Variants in SIPA1L1 observed in about 807,000 individuals in gnomAD.
SIPA1L1 encodes signal induced proliferation associated 1 like 1.
SIPA1L1 carries 26 observed loss-of-function variants against 162.7 expected under a neutral mutation model. The ratio of observed to expected loss-of-function variants is 0.16; its 90% CI spans 0.12 to 0.22. The LOEUF (loss-of-function observed/expected upper bound fraction) is 0.22. Among genes scored for constraint, SIPA1L1 ranks in the 10% least tolerant of loss-of-function variants. SIPA1L1 has a pLI of 1.00. For synonymous variants in SIPA1L1, 829 were observed against 837.4 expected, an observed-to-expected ratio of 0.99 and a Z score of 0.17; for missense variants, 1,874 against 2,241.0, an observed-to-expected ratio of 0.84 and a Z score of 3.31.
At chr14:71,480,932 A>G (rs1456816202) in intron 2 of SIPA1L1, among the ~76,000 whole-genome samples, 1 of 152,246 alleles carries the variant, frequency 6.6e-6, no homozygotes, top group African/African-American at 2.4e-5. Context: ...AAAAAAATTA[A>G]CAATTTAAAG....
chr14:71,352,379 A>G (rs1403023800), intron 2 of SIPA1L1, among the ~76,000 whole-genome samples: 1 of 152,142 alleles, frequency 6.6e-6, no homozygotes, highest in Non-Finnish European at 1.5e-5. Flanking sequence ...ACAGAATTTT[A>G]ACTGCCCCTT....
chr14:71,392,259 C>T (rs1018222645), intron 2 of SIPA1L1, among the ~76,000 whole-genome samples: 1 of 152,140 alleles, frequency 6.6e-6, no homozygotes, highest in Non-Finnish European at 1.5e-5. Flanking sequence ...ATGGCAGAGG[C>T]CCTCTGGATG....
chr14:71,736,817 T>C (rs1184388351), intron 22 of SIPA1L1, among the ~76,000 whole-genome samples: 1 of 152,178 alleles, frequency 6.6e-6, no homozygotes, highest in Non-Finnish European at 1.5e-5. Context: ...GATGACAGGC[T>C]CTTTTCTTGG....
rs966077051 is a variant in SIPA1L1, at chr14:71,377,847, G to A, written c.-465+56666G>A. Among the ~76,000 whole-genome samples the A allele has an allele frequency of 3.9e-5, 6 of 152,198 alleles. No homozygotes were observed. Among genetic ancestry groups the A allele is most frequent in the Non-Finnish European group, 8.8e-5 (6 of 68,028 alleles). ...AAAAACCAGTCAGGCGTGGCGGCGC[G>A]TGCCTGCAATCCCAGGCACTCGGCA... On this transcript the variant is annotated intron_variant, in intron 2 of 23. Transcript: ENST00000381232. This position sits in a 1 kb window ranked among gnomAD's most constrained non-coding sequence, Gnocchi z 4.8.
intron 2 of SIPA1L1, among the ~76,000 whole-genome samples, chr14:71,420,210 C>T (rs1029887775): frequency 1.3e-5 from 2 of 152,062 alleles, no homozygotes; most frequent in Non-Finnish European, 2.9e-5. Flanking sequence ...GAAATGCCTC[C>T]TCGTAATCAA....
At position 71,656,615 on chromosome 14, in the gene SIPA1L1, C is replaced by G. The variant is rs113780435; in HGVS notation, c.1994-1718C>G. On this transcript the variant is annotated intron_variant, in intron 8 of 23. Coordinates refer to ENST00000381232, the MANE Select transcript of SIPA1L1 (RefSeq NM_001386936.1). Reference sequence around the variant, plus strand: ...TTTCTTGGATATTTATATGTTGTTACATAGTTTTCCAATTTTTGAAAAGTA... The same window carrying G: ...TTTCTTGGATATTTATATGTTGTTAGATAGTTTTCCAATTTTTGAAAAGTA... Among the ~76,000 whole-genome samples, 448 of 152,278 alleles carry G rather than the reference C, an allele frequency of 2.9e-3. 5 individuals are homozygous for G. The highest frequency in any genetic ancestry group is 0.01 in the African/African-American group (424 of 41,566).
chr14:71,737,452 C>T (rs540040203), intron 22 of SIPA1L1, among the ~76,000 whole-genome samples: 58 of 152,132 alleles, frequency 3.8e-4, no homozygotes, highest in African/African-American at 1.3e-3. Context: ...GCAGCTTGAA[C>T]TCAGGTAGAG....
intron 2 of SIPA1L1, among the ~76,000 whole-genome samples, chr14:71,414,455 C>T (rs929184765): frequency 1.3e-5 from 2 of 152,106 alleles, no homozygotes; most frequent in Non-Finnish European, 2.9e-5. Context: ...ATCAAATGTC[C>T]GATATTTTCT....
intron 4 of SIPA1L1, among the ~76,000 whole-genome samples, chr14:71,529,925 C>T (rs980903233): frequency 1.3e-5 from 2 of 152,170 alleles, no homozygotes; most frequent in African/African-American, 2.4e-5. Flanking sequence ...TGTTGTTGTG[C>T]GCTGGTGTGA....
chr14:71,548,247 A>G (rs1276395808), intron 4 of SIPA1L1, among the ~76,000 whole-genome samples: 4 of 152,220 alleles, frequency 2.6e-5, no homozygotes, highest in African/African-American at 9.6e-5. Context: ...GAGGGCATAT[A>G]GCTTAATTTT....
chr14:71,599,377 T>C (rs181446161), intron 5 of SIPA1L1, among the ~76,000 whole-genome samples: 1 of 151,542 alleles, frequency 6.6e-6, no homozygotes, highest in East Asian at 1.9e-4. Context: ...CTCAACATGA[T>C]CCAACCTCAA....
chr14:71,534,279 G>A (rs2053696234), intron 4 of SIPA1L1, among the ~76,000 whole-genome samples: 1 of 152,062 alleles, frequency 6.6e-6, no homozygotes, highest in Non-Finnish European at 1.5e-5. Context: ...AAATAATTGG[G>A]TCATTAGCCA....
At chr14:71,561,215 G>A (rs1455766958) in intron 4 of SIPA1L1, among the ~76,000 whole-genome samples, 2 of 151,984 alleles carry the variant, frequency 1.3e-5, no homozygotes, top group African/African-American at 4.8e-5. Flanking sequence ...TTTTTCCCAT[G>A]TAGTATAGTA....
At chr14:71,432,564 G>C (rs1468744089) in intron 2 of SIPA1L1, among the ~76,000 whole-genome samples, 1 of 152,158 alleles carries the variant, frequency 6.6e-6, no homozygotes, top group Non-Finnish European at 1.5e-5. Flanking sequence ...TTTATGACTA[G>C]CTCTGAGGAA....
chr14:71,706,240 G>A (rs1212614455), intron 16 of SIPA1L1, among the ~76,000 whole-genome samples: 1 of 152,116 alleles, frequency 6.6e-6, no homozygotes, highest in Non-Finnish European at 1.5e-5. Flanking sequence ...AATATTTACT[G>A]AGGCAAGTTG....
intron 17 of SIPA1L1, among the ~76,000 whole-genome samples, chr14:71,718,385 A>T (rs1343203889): frequency 6.6e-6 from 1 of 152,238 alleles, no homozygotes; most frequent in Admixed American, 6.5e-5. Flanking sequence ...ACTAGTGAAA[A>T]GAAGTGCACT....
chr14:71,481,420 A>T lies in SIPA1L1; in HGVS notation c.-464-31323A>T, dbSNP rs567975428. 2.0e-5 allele frequency among the ~76,000 whole-genome samples: 3 copies of T among 152,330 alleles called. No homozygotes were observed. The South Asian group carries it at 6.2e-4, about 32-fold the overall frequency. The stretch of plus-strand genomic sequence containing the variant: ...CTTCAGCCTGGGAGGCAGAGGTTGC[A>T]GTGAACTGAGATGGCTCCATTGCAC... On this transcript the variant is annotated intron_variant, in intron 2 of 23. Transcript: ENST00000381232.
chr14:71,658,776 T>A (rs1257861267), intron 9 of SIPA1L1, among the ~76,000 whole-genome samples: 1 of 152,138 alleles, frequency 6.6e-6, no homozygotes, highest in Admixed American at 6.5e-5. Flanking sequence ...GTGGGTGAAG[T>A]TTCATCTCAA....
chr14:71,387,899 A>G (rs2040462271), intron 2 of SIPA1L1, among the ~76,000 whole-genome samples: 1 of 152,212 alleles, frequency 6.6e-6, no homozygotes, highest in African/African-American at 2.4e-5. Context: ...TTTTGGTATG[A>G]TTCAATTTGT....
Sources: gnomAD v4.1 joint callset for allele counts (sites outside exome capture counted in the v4.1 genomes callset) on GRCh38, gnomAD v4.1.1 for gene constraint, Gnocchi (gnomAD v3.1) non-coding constraint, MANE v1.5 for transcripts, NCBI Gene and HGNC (gene_info 2026-07-23, HGNC 2026-07-21) for gene names.